Variants in KIZ observed in about 807,000 individuals in gnomAD.
The protein encoded by KIZ is kizuna centrosomal protein.
In KIZ, 68 loss-of-function variants were observed where a neutral mutation model predicts 79.6. The observed-to-expected ratio is 0.85, with a 90% CI of 0.70 to 1.05. The LOEUF (loss-of-function observed/expected upper bound fraction) is 1.05, where lower values mean the gene tolerates loss of function less well. KIZ is among the 50% of genes least tolerant of loss of function. KIZ has a pLI of 0.00. For missense variants in KIZ, 797 were observed against 800.4 expected (o/e 1.00, Z 0.05); for synonymous variants, 280 against 281.8 (o/e 0.99, Z 0.06).
chr20:21,236,187 GA>G (rs1247756719), intron 11 of KIZ, among the ~76,000 whole-genome samples: 1 of 152,244 alleles, frequency 6.6e-6, no homozygotes, highest in Admixed American at 6.5e-5. Flanking sequence ...TCAGGCAGCT[GA>G]AAGTGGCATC....
intron 6 of KIZ, among the ~76,000 whole-genome samples, chr20:21,187,110 A>T (rs2034904661): frequency 6.6e-6 from 1 of 152,204 alleles, no homozygotes; most frequent in Non-Finnish European, 1.5e-5. Context: ...CAAAAAATAA[A>T]AATTAAAAAA....
At chr20:21,190,980 T>C (rs2035081587) in intron 6 of KIZ, among the ~76,000 whole-genome samples, 1 of 151,216 alleles carries the variant, frequency 6.6e-6, no homozygotes, top group South Asian at 2.1e-4. Context: ...AGGAGGGAGG[T>C]GGACAGGGAG....
chr20:21,148,530 C>T (rs2032962682), intron 4 of KIZ, among the ~76,000 whole-genome samples: 1 of 152,152 alleles, frequency 6.6e-6, no homozygotes, highest in African/African-American at 2.4e-5. Flanking sequence ...ACATTTCAAG[C>T]CCCACTCAGA....
chr20:21,200,340 G>A (rs1252123469), intron 6 of KIZ, among the ~76,000 whole-genome samples: 3 of 152,070 alleles, frequency 2.0e-5, no homozygotes, highest in Non-Finnish European at 4.4e-5. Context: ...GCGGGTTTAG[G>A]GAGGTGTGGG....
intron 3 of KIZ, among the ~76,000 whole-genome samples, chr20:21,141,298 G>A (rs368064591): frequency 2.6e-5 from 4 of 152,250 alleles, no homozygotes; most frequent in African/African-American, 9.6e-5. Context: ...ATGGGGGAAG[G>A]GAGGCAGGGA....
intron 6 of KIZ, among the ~76,000 whole-genome samples, chr20:21,176,925 T>C (rs6035808): frequency 0.58 from 88,835 of 152,136 alleles, 27,614 homozygotes; most frequent in South Asian, 0.78. Flanking sequence ...CATGTCAAGA[T>C]GTGTGTCAAA....
At chr20:21,239,318 T>C (rs1461766865) in intron 11 of KIZ, among the ~76,000 whole-genome samples, 1 of 152,214 alleles carries the variant, frequency 6.6e-6, no homozygotes, top group Non-Finnish European at 1.5e-5. Context: ...CCTGCCCTAC[T>C]GTTTTACTGC....
chr20:21,236,951 AATTGCACCAATGCACTC>A (rs2037027204), intron 11 of KIZ, among the ~76,000 whole-genome samples: 1 of 150,330 alleles, frequency 6.7e-6, no homozygotes, highest in Non-Finnish European at 1.5e-5. Context: ...AGTGAGCTGA[AATTGCACCAATGCACTC>A]ATCTGGGCAA....
At chr20:21,161,810 A>AC (rs1399976774) in intron 4 of KIZ, 61 bp from the exon 5 acceptor site, 2 of 1,216,104 alleles carry the variant, frequency 1.6e-6, no homozygotes, top group Non-Finnish European at 2.3e-6. Context: ...GAAAAAAAAA[A>AC]AAACCCCACC....
At chr20:21,149,856 A>G (rs1339877202) in intron 4 of KIZ, among the ~76,000 whole-genome samples, 1 of 152,242 alleles carries the variant, frequency 6.6e-6, no homozygotes, top group East Asian at 1.9e-4. Flanking sequence ...TGAAAGAGCA[A>G]GTGACTTAGG....
At chr20:21,128,040 TCTCA>T (rs1354579474) in intron 1 of KIZ, among the ~76,000 whole-genome samples, 12 of 152,224 alleles carry the variant, frequency 7.9e-5, no homozygotes. Context: ...TGAAACATAG[TCTCA>T]CTCTGTCACC....
intron 6 of KIZ, among the ~76,000 whole-genome samples, chr20:21,200,636 C>A (rs1458599691): frequency 6.6e-6 from 1 of 151,956 alleles, no homozygotes; most frequent in African/African-American, 2.4e-5. Context: ...ATCTAATGCT[C>A]CCCCTGATCT....
At chr20:21,131,617 T>A (rs2031848993) in intron 1 of KIZ, among the ~76,000 whole-genome samples, 1 of 152,186 alleles carries the variant, frequency 6.6e-6, no homozygotes, top group African/African-American at 2.4e-5. Context: ...ACATTTTATA[T>A]ACTTATCTTG....
At chr20:21,220,509 A>C (rs368089980) in intron 9 of KIZ, among the ~76,000 whole-genome samples, 2 of 152,044 alleles carry the variant, frequency 1.3e-5, no homozygotes, top group Admixed American at 1.3e-4. Flanking sequence ...TTTGAGACAG[A>C]GTCTCACTCC....
intron 4 of KIZ, among the ~76,000 whole-genome samples, chr20:21,150,420 A>G (rs747355590): frequency 4.6e-5 from 7 of 152,182 alleles, no homozygotes; most frequent in Non-Finnish European, 1.0e-4. Flanking sequence ...CTGCTCAACT[A>G]TAAACAACAC....
chr20:21,187,643 A>G (rs1310817387), intron 6 of KIZ, among the ~76,000 whole-genome samples: 3 of 152,164 alleles, frequency 2.0e-5, no homozygotes, highest in Non-Finnish European at 4.4e-5. Flanking sequence ...ACACGTGTAT[A>G]TATGGATAGA....
intron 6 of KIZ, chr20:21,194,017 TAGAC>T (rs1316487297): frequency 2.0e-5 from 3 of 151,818 alleles, no homozygotes; most frequent in Admixed American, 6.6e-5. Context: ...ATAATAAAAT[TAGAC>T]AAACAAAAAA....
At chr20:21,129,522 G>A (rs550128274) in intron 1 of KIZ, among the ~76,000 whole-genome samples, 15 of 152,068 alleles carry the variant, frequency 9.9e-5, no homozygotes, top group Non-Finnish European at 1.3e-4. Context: ...ATCACCTGAG[G>A]TGAGGAGTTT....
chr20:21,203,963 G>T (rs1041664329), intron 6 of KIZ, among the ~76,000 whole-genome samples: 2 of 151,760 alleles, frequency 1.3e-5, no homozygotes, highest in Non-Finnish European at 2.9e-5. Flanking sequence ...CTTCCCCCCA[G>T]GCCCCAGCAC....
Sources: allele counts gnomAD v4.1 joint callset (sites outside exome capture counted in the v4.1 genomes callset), GRCh38; gene constraint gnomAD v4.1.1; transcripts MANE v1.5; gene names NCBI Gene and HGNC (gene_info 2026-07-23, HGNC 2026-07-21).